DAPK1: variants seen among roughly 807,000 people sequenced by gnomAD.
DAPK1 encodes death-associated protein kinase 1.
Under a neutral mutation model 144.9 loss-of-function variants are expected in DAPK1, and 56 were observed. The observed-to-expected ratio is 0.39, with a 90% CI of 0.31 to 0.48. The LOEUF (loss-of-function observed/expected upper bound fraction) is 0.48. Among genes scored for constraint, DAPK1 ranks in the 20% least tolerant of loss-of-function variants. The pLI, the probability that DAPK1 is intolerant of heterozygous loss-of-function variation, is 0.95. For missense variants in DAPK1, 1,454 were observed against 1,875.4 expected (o/e 0.78, Z 4.15); for synonymous variants, 690 against 749.0 (o/e 0.92, Z 1.29).
rs768913337 is a variant in DAPK1 at position 87,706,245 on chromosome 9, C to A, written c.3174C>A (p.His1058Gln). The change falls in exon 26 of 26, where the codon CAC becomes CAA. Residue 1058 changes from histidine (H) to glutamine (Q), a missense_variant. This residue lies in a region of DAPK1 where 1,025 missense variants were observed against 1,237.9 expected (regional missense o/e 0.83). Coordinates refer to ENST00000408954, the MANE Select transcript of DAPK1 (RefSeq NM_004938.4). The surrounding 1 kb of genome is among the most constrained non-coding windows in gnomAD (Gnocchi z 9.0). ...CCGTGGAGACCCCACGGGCGCTGCA[C>A]CACTACCGGGGCCGCTACACCGTGG... ...LLSVETPRAL[H>Q]HYRGRYTVED... is the part of the protein sequence containing the mutation. The A allele has an allele frequency of 6.2e-7, 1 of 1,613,822 alleles. No homozygotes were observed. The highest frequency in any genetic ancestry group is 1.7e-5 in the Admixed American group (1 of 60,022).
intron 2 of DAPK1, among the ~76,000 whole-genome samples, chr9:87,501,692 T>A (rs772811711): frequency 6.6e-5 from 10 of 152,256 alleles, no homozygotes; most frequent in Non-Finnish European, 1.5e-4. Context: ...AGTACAAGTA[T>A]TATTGTTAAT....
At chr9:87,586,601 T>G (rs1196091688) in intron 2 of DAPK1, among the ~76,000 whole-genome samples, 2 of 151,824 alleles carry the variant, frequency 1.3e-5, no homozygotes, top group South Asian at 4.1e-4. Context: ...GTATATCAAG[T>G]CAACTTTAAG....
chr9:87,654,877 C>G (rs1165316140), intron 17 of DAPK1, among the ~76,000 whole-genome samples: 1 of 152,168 alleles, frequency 6.6e-6, no homozygotes, highest in African/African-American at 2.4e-5. Context: ...CCCAGTTTCA[C>G]TCCATACCTA....
rs116729127 is a variant in DAPK1 at position 87,542,726 on chromosome 9, G to A, written c.62+43587G>A. ...TCAGTTACCTAAAGACAAACGGCCA[G>A]TGAGAAGGGGAAACTCAAGTCTGTC... On this transcript the variant is annotated intron_variant, in intron 2 of 25. Coordinates refer to ENST00000408954, the MANE Select transcript of DAPK1 (RefSeq NM_004938.4). Among the ~76,000 whole-genome samples, 1,262 of 152,318 alleles carry A rather than the reference G, an allele frequency of 8.3e-3. 10 individuals carry two copies. Among genetic ancestry groups the A allele is most frequent in the African/African-American group, 0.027 (1,134 of 41,570 alleles).
At chr9:87,664,376 T>C (rs36215720) in intron 18 of DAPK1, among the ~76,000 whole-genome samples, 12,714 of 152,246 alleles carry the variant, frequency 0.084, 759 homozygotes, top group African/African-American at 0.16. Context: ...TGCCCACTTC[T>C]GCCCTGAGGG....
chr9:87,500,427 A>G (rs936857454), intron 2 of DAPK1, among the ~76,000 whole-genome samples: 4 of 152,172 alleles, frequency 2.6e-5, no homozygotes, highest in Non-Finnish European at 4.4e-5. Context: ...GAATTAAATA[A>G]CTTTACTGTG....
intron 2 of DAPK1, among the ~76,000 whole-genome samples, chr9:87,499,796 T>C (rs1398888002): frequency 1.3e-5 from 2 of 152,236 alleles, no homozygotes; most frequent in African/African-American, 4.8e-5. Context: ...TGATTCTCAG[T>C]GTAAAATCTT....
intron 2 of DAPK1, among the ~76,000 whole-genome samples, chr9:87,558,709 C>T (rs1019810379): frequency 3.3e-5 from 5 of 152,170 alleles, no homozygotes; most frequent in African/African-American, 1.2e-4. Context: ...CTGCAGACCC[C>T]TTCATTGCTT....
At chr9:87,652,265 C>G (rs370368019) in intron 17 of DAPK1, among the ~76,000 whole-genome samples, 11 of 117,980 alleles carry the variant, frequency 9.3e-5, no homozygotes, top group South Asian at 6.0e-4. Flanking sequence ...CTGTGTCCAT[C>G]CCCCCGATCC....
At chr9:87,639,852 T>C in intron 7 of DAPK1, 37 bp downstream of exon 7, 1 of 1,606,666 alleles carries the variant, frequency 6.2e-7, no homozygotes, top group Non-Finnish European at 8.5e-7. Flanking sequence ...CTCTCTTCTC[T>C]TCTATGAGAC....
intron 3 of DAPK1, among the ~76,000 whole-genome samples, chr9:87,609,681 A>G (rs1828858440): frequency 6.6e-6 from 1 of 152,200 alleles, no homozygotes; most frequent in South Asian, 2.1e-4. Context: ...TTCTTTCTTA[A>G]GAATGCTGAA....
At chr9:87,614,264 A>G (rs932426983) in intron 3 of DAPK1, among the ~76,000 whole-genome samples, 1 of 152,190 alleles carries the variant, frequency 6.6e-6, no homozygotes, top group Non-Finnish European at 1.5e-5. Flanking sequence ...AACAAACCCT[A>G]TGTGGTATCT....
At chr9:87,596,129 TC>T (rs1489376352) in intron 2 of DAPK1, among the ~76,000 whole-genome samples, 1 of 152,146 alleles carries the variant, frequency 6.6e-6, no homozygotes, top group Non-Finnish European at 1.5e-5. Flanking sequence ...AGTACTGAGT[TC>T]CCATACAGGG....
At chr9:87,677,336 T>A (rs1824429064) in intron 19 of DAPK1, among the ~76,000 whole-genome samples, 1 of 152,172 alleles carries the variant, frequency 6.6e-6, no homozygotes, top group African/African-American at 2.4e-5. Context: ...GTTCAGTCGC[T>A]TCTAGAAGCC....
At chr9:87,595,625 C>T (rs1365230622) in intron 2 of DAPK1, among the ~76,000 whole-genome samples, 1 of 152,230 alleles carries the variant, frequency 6.6e-6, no homozygotes, top group Admixed American at 6.5e-5. Flanking sequence ...GGAGCCCGAC[C>T]CACGCTGGCC....
rs567348022 is a variant in DAPK1 at position 87,623,864 on chromosome 9, G to A, written c.285-14079G>A. Among the ~76,000 whole-genome samples the A allele has an allele frequency of 2.3e-4, 35 of 152,260 alleles. No homozygotes were observed. In the South Asian group the frequency reaches 7.1e-3, roughly 31 times the overall value. On this transcript the variant is annotated intron_variant, in intron 3 of 25. Coordinates refer to ENST00000408954, the MANE Select transcript of DAPK1 (RefSeq NM_004938.4). ...TGGGCCTGAGGAGCAAAACCCCTCA[G>A]ATAGGAGGTAACACTTTGTTCCTGG...
chr9:87,637,138 G>A (rs1032853046), intron 3 of DAPK1, among the ~76,000 whole-genome samples: 3 of 151,990 alleles, frequency 2.0e-5, no homozygotes, highest in African/African-American at 7.3e-5. Context: ...TCTGTCACCA[G>A]GCTGAAGGGC....
intron 2 of DAPK1, among the ~76,000 whole-genome samples, chr9:87,599,392 T>C (rs547388041): frequency 1.3e-5 from 2 of 152,148 alleles, no homozygotes; most frequent in Non-Finnish European, 2.9e-5. Context: ...ACTGCAGAGG[T>C]AGTAGTCAGA....
Position 87,637,955 on chromosome 9 carries a change from C to T in DAPK1, c.297C>T (p.Gly99=), listed in dbSNP as rs747691896. 25 of 1,613,562 alleles carry T rather than the reference C, an allele frequency of 1.5e-5. No individual in the cohort carries two copies. The highest frequency in any genetic ancestry group is 7.7e-5 in the South Asian group (7 of 91,042). Residue 99 remains glycine, a synonymous_variant, in exon 4 of 26, where the codon GGC becomes GGT. Coordinates refer to ENST00000408954, the MANE Select transcript of DAPK1 (RefSeq NM_004938.4). Reference sequence around the variant, plus strand: ...TCCGGGTTCTCAGCGTTGCAGGTGGCGAGCTGTTTGACTTCTTAGCTGAAA... The same window carrying T: ...TCCGGGTTCTCAGCGTTGCAGGTGGTGAGCTGTTTGACTTCTTAGCTGAAA... ...VILILELVAG[G]ELFDFLAEKE... is the part of the protein sequence containing the mutation.
Sources: gnomAD v4.1 joint callset for allele counts (sites outside exome capture counted in the v4.1 genomes callset) on GRCh38, gnomAD v4.1.1 for gene constraint, gnomAD v4.1.1 regional missense constraint, Gnocchi (gnomAD v3.1) non-coding constraint, MANE v1.5 for transcripts, NCBI Gene and HGNC (gene_info 2026-07-23, HGNC 2026-07-21) for gene names.